Variants in TENM4 observed in about 807,000 individuals in gnomAD.
TENM4 encodes teneurin-4.
In TENM4, 82 loss-of-function variants were observed where a neutral mutation model predicts 243.3. The observed-to-expected ratio is 0.34, with a 90% CI of 0.28 to 0.40. The LOEUF is 0.40. Among genes scored for constraint, TENM4 ranks in the 10% least tolerant of loss-of-function variants. The probability of loss-of-function intolerance (pLI) is 1.00; values close to 1 mark genes in which losing one functional copy is unlikely to be tolerated. For synonymous variants in TENM4, 1,412 were observed against 1,456.3 expected (o/e 0.97, Z 0.69); for missense variants, 3,138 against 3,673.3 (o/e 0.85, Z 3.77).
intron 6 of TENM4, among the ~76,000 whole-genome samples, chr11:78,934,242 T>C (rs976643239): frequency 6.6e-5 from 10 of 152,168 alleles, no homozygotes; most frequent in African/African-American, 2.4e-4. Flanking sequence ...TGTTCATCTT[T>C]CCCAATCCTA....
rs769331668 is a variant in TENM4 at position 78,670,126 on chromosome 11, C to A, written c.6219G>T (p.Glu2073Asp). The A allele has an allele frequency of 6.2e-7, 1 of 1,613,908 alleles. No homozygotes were observed. Among genetic ancestry groups the A allele is most frequent in the Non-Finnish European group, 8.5e-7 (1 of 1,179,890 alleles). ...LIDRQIFRFT[E>D]EGMVNARFDY... The stretch of plus-strand genomic sequence containing the variant: ...CAAAACGGGCGTTGACCATGCCTTC[C>A]TCAGTGAAGCGGAAGATCTGTCGGT... Residue 2073 changes from glutamate (E) to aspartate (D), a missense_variant, in exon 32 of 34, where the codon GAG becomes GAT. Around this residue, in one of 2 missense-constraint regions of TENM4, gnomAD observed 2,467 missense variants for 3,059.1 expected, o/e 0.81. Coordinates refer to ENST00000278550, the MANE Select transcript of TENM4 (RefSeq NM_001098816.3).
At chr11:78,694,548 C>T (rs1406836294) in intron 28 of TENM4, among the ~76,000 whole-genome samples, 5 of 152,200 alleles carry the variant, frequency 3.3e-5, no homozygotes, top group Admixed American at 3.3e-4. Flanking sequence ...GAGGTGGTGC[C>T]TCTGGTGGGA....
intron 4 of TENM4, among the ~76,000 whole-genome samples, chr11:79,138,311 T>TTATATATATATA (rs1324975719): frequency 8.3e-5 from 8 of 96,176 alleles, no homozygotes; most frequent in African/African-American, 3.3e-4. Context: ...AAACTCCCCT[T>TTATATATATATA]TATATATATA....
chr11:79,152,122 GA>G (rs1862522908), intron 3 of TENM4, among the ~76,000 whole-genome samples: 1 of 152,136 alleles, frequency 6.6e-6, no homozygotes, highest in Admixed American at 6.6e-5. Context: ...TTGAGGACTA[GA>G]AAAGAAACGC....
At chr11:78,732,161 G>A (rs559908071) in intron 21 of TENM4, among the ~76,000 whole-genome samples, 155 bp downstream of exon 21, 1 of 152,306 alleles carries the variant, frequency 6.6e-6, no homozygotes, top group African/African-American at 2.4e-5. Flanking sequence ...CATGCCTGCT[G>A]TGGGGTTTGG....
intron 9 of TENM4, among the ~76,000 whole-genome samples, chr11:78,870,225 T>TATC (rs1859087463): frequency 6.6e-6 from 1 of 152,268 alleles, no homozygotes; most frequent in African/African-American, 2.4e-5. Context: ...ATGGCAGTTG[T>TATC]ATCATCACTG....
At chr11:78,688,324 G>T in intron 28 of TENM4, 98 bp from the exon 29 acceptor site, 1 of 1,351,694 alleles carries the variant, frequency 7.4e-7, no homozygotes, top group Non-Finnish European at 1.0e-6. Context: ...GCTGTGCTCT[G>T]CTTTTCTTTC....
chr11:79,147,278 T>G (rs1862411897), intron 4 of TENM4, among the ~76,000 whole-genome samples: 1 of 152,102 alleles, frequency 6.6e-6, no homozygotes, highest in Non-Finnish European at 1.5e-5. Context: ...TATTTGATGA[T>G]TTGCAGGCCT....
chr11:78,753,401 T>C (rs889298829), intron 19 of TENM4, among the ~76,000 whole-genome samples: 3 of 152,238 alleles, frequency 2.0e-5, no homozygotes, highest in Non-Finnish European at 4.4e-5. Context: ...CTTGCTATTA[T>C]ACCAAACTCC....
chr11:79,319,407 G>A (rs1856851987), intron 1 of TENM4, among the ~76,000 whole-genome samples: 1 of 152,104 alleles, frequency 6.6e-6, no homozygotes, highest in African/African-American at 2.4e-5. Flanking sequence ...TGAACTCAGA[G>A]CACATAAGGG....
chr11:79,108,652 T>C (rs929999428), intron 4 of TENM4, among the ~76,000 whole-genome samples: 8 of 151,822 alleles, frequency 5.3e-5, no homozygotes, highest in Non-Finnish European at 1.0e-4. Context: ...CCTCCAGATG[T>C]TGTACCCTGA....
chr11:78,880,836 T>G (rs955893022), intron 9 of TENM4, among the ~76,000 whole-genome samples: 2 of 152,132 alleles, frequency 1.3e-5, no homozygotes, highest in African/African-American at 4.8e-5. Context: ...TTACTATATT[T>G]CTCAAAAACA....
rs78123175 is a variant in TENM4 at position 79,320,926 on chromosome 11, T to C, written c.-320-23383A>G. The stretch of plus-strand genomic sequence containing the variant: ...AAAAACTGAGCTAGGTGTCTCTGCA[T>C]AAATGCTTCTCTTAGCATCCTCTTC... On this transcript the variant is annotated intron_variant, in intron 1 of 33. Coordinates refer to ENST00000278550, the MANE Select transcript of TENM4 (RefSeq NM_001098816.3). Among the ~76,000 whole-genome samples, 24 of 152,332 alleles carry C rather than the reference T, an allele frequency of 1.6e-4. No individual in the cohort carries two copies. In the East Asian group the frequency reaches 4.4e-3, roughly 28 times the overall value.
At chr11:79,426,283 C>T (rs978950401) in intron 1 of TENM4, among the ~76,000 whole-genome samples, 4 of 152,152 alleles carry the variant, frequency 2.6e-5, no homozygotes, top group Admixed American at 2.6e-4. Context: ...CCCTCCATGG[C>T]TCATGAACTT....
intron 2 of TENM4, among the ~76,000 whole-genome samples, chr11:79,241,813 C>T (rs748682096): frequency 1.1e-4 from 17 of 152,110 alleles, no homozygotes; most frequent in Non-Finnish European, 2.2e-4. Flanking sequence ...CCCTCAAGCC[C>T]AGATAGTCTC....
intron 6 of TENM4, among the ~76,000 whole-genome samples, chr11:79,039,465 T>A (rs1210830302): frequency 1.3e-5 from 2 of 152,232 alleles, no homozygotes; most frequent in Non-Finnish European, 2.9e-5. Flanking sequence ...AGAAGATACC[T>A]TTTGACTTAT....
chr11:79,435,417 T>C (rs1327739018), intron 1 of TENM4, among the ~76,000 whole-genome samples: 1 of 152,094 alleles, frequency 6.6e-6, no homozygotes, highest in Non-Finnish European at 1.5e-5. Flanking sequence ...AAAGCAAAGA[T>C]GGAGTGATTC....
chr11:79,272,615 G>C (rs1378837082), intron 2 of TENM4, among the ~76,000 whole-genome samples: 2 of 152,034 alleles, frequency 1.3e-5, no homozygotes, highest in African/African-American at 2.4e-5. Context: ...GTAGTGCAAA[G>C]CTGGATCTTT....
chr11:79,261,905 T>G (rs746455666), intron 2 of TENM4, among the ~76,000 whole-genome samples: 4 of 152,158 alleles, frequency 2.6e-5, no homozygotes, highest in Non-Finnish European at 5.9e-5. Context: ...TCTGGATGGA[T>G]GAAAGCAAGT....
Sources: allele counts gnomAD v4.1 joint callset (sites outside exome capture counted in the v4.1 genomes callset), GRCh38; gene constraint gnomAD v4.1.1; regional missense constraint gnomAD v4.1.1; transcripts MANE v1.5; gene names NCBI Gene and HGNC (gene_info 2026-07-23, HGNC 2026-07-21).